The following CALN1 variants were observed in gnomAD, a reference collection of about 807,000 sequenced individuals.
CALN1 encodes the protein calcium-binding protein 8.
In CALN1, 17 loss-of-function variants were observed where a neutral mutation model predicts 30.6. The ratio of observed to expected loss-of-function variants is 0.56; its 90% confidence interval spans 0.38 to 0.83. CALN1 has a LOEUF of 0.83. CALN1 is among the 40% of genes least tolerant of loss of function. CALN1 has a pLI of 0.00. For synonymous variants in CALN1, 156 were observed against 131.4 expected (o/e 1.19, Z -1.28); for missense variants, 291 against 354.9 (o/e 0.82, Z 1.45).
chr7:71,971,944 A>AG (rs1562946481), intron 5 of CALN1, among the ~76,000 whole-genome samples: 5 of 124,582 alleles, frequency 4.0e-5, no homozygotes, highest in Non-Finnish European at 7.9e-5. Flanking sequence ...AAAAAAAAAA[A>AG]AAAAAAAAAA....
chr7:72,082,415 T>C (rs150392598), intron 4 of CALN1, among the ~76,000 whole-genome samples: 1 of 152,134 alleles, frequency 6.6e-6, no homozygotes, highest in Non-Finnish European at 1.5e-5. Flanking sequence ...ACGGTGAAGG[T>C]TGGATAGGGC....
chr7:72,265,325 G>C (rs928624729), intron 3 of CALN1, among the ~76,000 whole-genome samples: 1 of 152,208 alleles, frequency 6.6e-6, no homozygotes, highest in African/African-American at 2.4e-5. Flanking sequence ...ACTGTGAAGA[G>C]AGAAGACCAG....
At chr7:72,317,715 G>A (rs542185556) in intron 2 of CALN1, among the ~76,000 whole-genome samples, 1 of 152,280 alleles carries the variant, frequency 6.6e-6, no homozygotes, top group South Asian at 2.1e-4. Context: ...AAAGGGCTGA[G>A]GTTAGGGATT....
intron 5 of CALN1, among the ~76,000 whole-genome samples, chr7:71,901,621 C>CTA (rs558523042): frequency 2.5e-4 from 38 of 152,084 alleles, no homozygotes; most frequent in Non-Finnish European, 4.3e-4. Flanking sequence ...AGTAACATAC[C>CTA]TAAAGCCAAC....
chr7:72,154,558 C>T (rs1181896605), intron 3 of CALN1, among the ~76,000 whole-genome samples: 1 of 152,184 alleles, frequency 6.6e-6, no homozygotes, highest in East Asian at 1.9e-4. Context: ...GCACTGAACA[C>T]CCGAGATGTA....
At chr7:72,404,262 A>G (rs950675780) in intron 1 of CALN1, among the ~76,000 whole-genome samples, 1 of 152,188 alleles carries the variant, frequency 6.6e-6, no homozygotes, top group Non-Finnish European at 1.5e-5. Flanking sequence ...TTGTGTTGAG[A>G]AAAACCCCAG....
At chr7:72,299,804 G>C (rs1054058636) in intron 2 of CALN1, among the ~76,000 whole-genome samples, 2 of 150,976 alleles carry the variant, frequency 1.3e-5, no homozygotes, top group Admixed American at 1.3e-4. Flanking sequence ...CAAAGTGCTA[G>C]CATTACAGGC....
chr7:72,165,083 C>T (rs1417827170), intron 3 of CALN1, among the ~76,000 whole-genome samples: 1 of 152,134 alleles, frequency 6.6e-6, no homozygotes, highest in Non-Finnish European at 1.5e-5. Context: ...TTCACTGTTT[C>T]TAAATTGTAA....
Position 72,106,166 on chromosome 7 carries a change from G to A in CALN1, c.373C>T (p.Arg125Cys), listed in dbSNP as rs758325177. 11 of 1,613,856 alleles carry A rather than the reference G, an allele frequency of 6.8e-6. No individual in the cohort carries two copies. The highest frequency in any genetic ancestry group is 2.2e-5 in the East Asian group (1 of 44,840). Reference sequence around the variant, plus strand: ...CGGGTCTTACCGTCCATGTCCAAGCGCTGCATGATGATGGCCAGCTCCACC... The same window carrying A: ...CGGGTCTTACCGTCCATGTCCAAGCACTGCATGATGATGGCCAGCTCCACC... ...SEVELAIIMQ[R>C]LDMDGDGQVD... Residue 125 changes from arginine to cysteine, a missense_variant, in exon 4 of 7, where the codon CGC becomes TGC. Physicochemically the swap from Arg to Cys is radical, Grantham distance 180. Transcript: ENST00000395275.
chr7:72,493,260 A>T, the CALN1 span, among the ~76,000 whole-genome samples: 1 of 152,044 alleles, frequency 6.6e-6, no homozygotes, highest in Non-Finnish European at 1.5e-5. Context: ...ATCATACAAT[A>T]TGTAGTCTTT....
chr7:72,409,392 C>CA (rs1806950779), intron 1 of CALN1, among the ~76,000 whole-genome samples: 1 of 149,010 alleles, frequency 6.7e-6, no homozygotes, highest in Non-Finnish European at 1.5e-5. Context: ...CCAGTCCACT[C>CA]AGACTGTATC....
At chr7:72,064,547 G>T (rs1415472825) in intron 4 of CALN1, among the ~76,000 whole-genome samples, 1 of 152,148 alleles carries the variant, frequency 6.6e-6, no homozygotes, top group Non-Finnish European at 1.5e-5. Context: ...ATCCTGACAA[G>T]CTATCCTGAT....
chr7:71,945,152 C>T (rs750573360), intron 5 of CALN1, among the ~76,000 whole-genome samples: 16 of 149,884 alleles, frequency 1.1e-4, no homozygotes, highest in Admixed American at 3.3e-4. Context: ...TCTCTCTCAC[C>T]ATGTGATGTA....
rs188780977 is a variant in CALN1, at chr7:71,850,346, G to C, written c.502-39854C>G. 1.4e-3 allele frequency among the ~76,000 whole-genome samples: 206 copies of C among 152,234 alleles called. 3 individuals carry two copies. The highest frequency in any genetic ancestry group is 6.8e-3 in the Middle Eastern group (2 of 294). On this transcript the variant is annotated intron_variant, in intron 5 of 6. Coordinates refer to ENST00000395275, the MANE Select transcript of CALN1 (RefSeq NM_031468.4). Reference sequence around the variant, plus strand: ...TTCTCCTGCCTCATCCTCAAGAGTAGCTGGGATTACAGGCGCATACCACCA... The same window carrying C: ...TTCTCCTGCCTCATCCTCAAGAGTACCTGGGATTACAGGCGCATACCACCA...
At position 71,807,850 on chromosome 7, in the gene CALN1, C is replaced by A. The variant is rs192758987; in HGVS notation, c.658+2486G>T. 2.3e-4 allele frequency among the ~76,000 whole-genome samples: 35 copies of A among 152,084 alleles called. No individual in the cohort carries two copies. The East Asian group carries it at 6.8e-3, about 29-fold the overall frequency. ...CAGCATTTTGGGAGGCCGAGGTGGG[C>A]GGATTACGAGGTCAGGAGATTGAGA... On this transcript the variant is annotated intron_variant, in intron 6 of 6. Coordinates refer to ENST00000395275, the MANE Select transcript of CALN1 (RefSeq NM_031468.4).
intron 4 of CALN1, among the ~76,000 whole-genome samples, chr7:72,076,983 G>A (rs547439598): frequency 1.3e-5 from 2 of 151,864 alleles, no homozygotes; most frequent in Admixed American, 1.3e-4. Flanking sequence ...GAGTGCAGTG[G>A]TACCTCTTTC....
At position 71,782,676 on chromosome 7, in the gene CALN1, CTCCTCT is replaced by C; in HGVS notation, c.*5093_*5098del. Reference sequence around the variant, plus strand: ...GGGTCGGTAAGAGGCAGCCCAAATTCTCCTCTATGTTGCTGTCACTTTAAATAATTT... The same window carrying C: ...GGGTCGGTAAGAGGCAGCCCAAATTCATGTTGCTGTCACTTTAAATAATTT... On this transcript the variant is annotated 3_prime_UTR_variant, in exon 7 of 7. Transcript: ENST00000395275. 6.6e-6 allele frequency: 1 copy of C among 152,166 alleles called. No individual in the cohort carries two copies. Among genetic ancestry groups the C allele is most frequent in the Non-Finnish European group, 1.5e-5 (1 of 68,042 alleles). 9.4% of individuals were successfully genotyped at this position (152,166 alleles called of 1,614,324 possible).
intron 2 of CALN1, among the ~76,000 whole-genome samples, chr7:72,320,991 T>A (rs947083310): frequency 6.6e-6 from 1 of 152,074 alleles, no homozygotes; most frequent in Non-Finnish European, 1.5e-5. Context: ...CCCTCATCCA[T>A]AAAAACGTTA....
intron 2 of CALN1, among the ~76,000 whole-genome samples, chr7:72,286,977 A>C (rs969210822): frequency 2.0e-5 from 3 of 152,220 alleles, no homozygotes; most frequent in Non-Finnish European, 4.4e-5. Flanking sequence ...GCTGAGAGGT[A>C]AGCCGGTTTG....
Sources: gnomAD v4.1 joint callset for allele counts (sites outside exome capture counted in the v4.1 genomes callset) on GRCh38, gnomAD v4.1.1 for gene constraint, MANE v1.5 for transcripts, NCBI Gene and HGNC (gene_info 2026-07-23, HGNC 2026-07-21) for gene names.